The following SCN3A variants were observed in gnomAD, a reference collection of about 807,000 sequenced individuals.
SCN3A encodes sodium channel protein type 3 subunit alpha.
SCN3A carries 60 observed loss-of-function variants against 187.6 expected under a neutral mutation model. The observed-to-expected ratio is 0.32, with a 90% CI of 0.26 to 0.40. The LOEUF (loss-of-function observed/expected upper bound fraction) is 0.40. SCN3A is among the 10% of genes least tolerant of loss of function. SCN3A has a pLI of 1.00. For synonymous variants in SCN3A, 788 were observed against 829.2 expected (o/e 0.95, Z 0.85); for missense variants, 1,601 against 2,428.2 (o/e 0.66, Z 7.16).
chr2:165,098,901 T>A (rs894930188), intron 22 of SCN3A, among the ~76,000 whole-genome samples: 1 of 152,222 alleles, frequency 6.6e-6, no homozygotes, highest in Non-Finnish European at 1.5e-5. Context: ...ATAGGAAACA[T>A]GGAACCAAAT....
rs1303747564 is a variant in SCN3A at position 165,096,460 on chromosome 2, T to C, written c.4293+7A>G. Reference sequence around the variant, plus strand: ...GAACCTATAAATAATATTTGAGTGATACTTACATCTCGTGAATCAACAGCT... The same window carrying C: ...GAACCTATAAATAATATTTGAGTGACACTTACATCTCGTGAATCAACAGCT... On this transcript the variant is annotated splice_region_variant and intron_variant, in intron 24 of 27. Transcript: ENST00000283254. The C allele has an allele frequency of 5.0e-6, 8 of 1,606,100 alleles. No individual in the cohort carries two copies. In the South Asian group the frequency reaches 5.5e-5, roughly 11 times the overall value.
At chr2:165,100,512 T>G in intron 21 of SCN3A, 88 bp from the exon 22 acceptor site, 1 of 1,375,148 alleles carries the variant, frequency 7.3e-7, no homozygotes, top group South Asian at 1.2e-5. Context: ...TAATGCAGAC[T>G]AAATACTAAT....
Position 165,092,592 on chromosome 2 carries a change from T to C in SCN3A, c.4537-68A>G. On this transcript the variant is annotated intron_variant, in intron 26 of 27. Transcript: ENST00000283254. This position sits in a 1 kb window ranked among gnomAD's most constrained non-coding sequence, Gnocchi z 4.2. ...CATAAAGAATAATGCAGTAAAATTG[T>C]AGATAAAGCCCTTCCACATACGGGA... is the stretch of plus-strand genomic sequence containing the variant. The C allele has an allele frequency of 6.9e-6, 10 of 1,455,802 alleles. No individual in the cohort carries two copies. The South Asian group carries it at 8.1e-5, about 12-fold the overall frequency. The allele number at this position is 1,455,802 out of a possible 1,614,324, so 90.2% of individuals were successfully genotyped here.
Position 165,090,956 on chromosome 2 carries a change from G to A in SCN3A, c.5197C>T (p.Pro1733Ser). ...CAGTCTCCCTTAACTGAGCTGCCAG[G>A]GTGAATTGTGTCAGGGTCACAGTCG... Reference protein sequence around the residue: ...PPDCDPDTIHPGSSVKGDCGN... With the variant: ...PPDCDPDTIHSGSSVKGDCGN... Residue 1733 changes from proline (P) to serine (S), a missense_variant, in exon 28 of 28, where the codon CCT (proline) becomes TCT (serine). Physicochemically the swap from Pro to Ser is moderately conservative, Grantham distance 74. Transcript: ENST00000283254. The surrounding 1 kb of genome is among the most constrained non-coding windows in gnomAD (Gnocchi z 4.0). 6.2e-7 allele frequency: 1 copy of A among 1,614,090 alleles called. No individual in the cohort carries two copies. Among genetic ancestry groups the A allele is most frequent in the African/African-American group, 1.3e-5 (1 of 75,012 alleles).
intron 11 of SCN3A, among the ~76,000 whole-genome samples, chr2:165,151,166 C>A (rs1299028344): frequency 6.6e-6 from 1 of 152,122 alleles, no homozygotes; most frequent in Non-Finnish European, 1.5e-5. Flanking sequence ...AAAGCTATGC[C>A]TAGAGTTGAG....
Position 165,146,727 on chromosome 2 carries a change from A to G in SCN3A, c.1671+12T>C, listed in dbSNP as rs1477542733. 1.2e-6 allele frequency: 2 copies of G among 1,613,850 alleles called. No individual in the cohort carries two copies. Among genetic ancestry groups the G allele is most frequent in the African/African-American group, 1.3e-5 (1 of 74,934 alleles). ...TGACAAAGAAACCAGAGCACTTAGT[A>G]GAAAATCATACCTGATGAGGGGAGC... On this transcript the variant is annotated intron_variant, in intron 12 of 27. Coordinates refer to ENST00000283254, the MANE Select transcript of SCN3A (RefSeq NM_006922.4).
At chr2:165,110,850 A>G (rs555825443) in intron 21 of SCN3A, among the ~76,000 whole-genome samples, 10 of 152,312 alleles carry the variant, frequency 6.6e-5, no homozygotes, top group Non-Finnish European at 1.5e-4. Context: ...TTGAAACATT[A>G]CTCAATAGAT....
intron 12 of SCN3A, among the ~76,000 whole-genome samples, chr2:165,143,727 T>G (rs1167697501): frequency 6.6e-6 from 1 of 152,198 alleles, no homozygotes; most frequent in Non-Finnish European, 1.5e-5. Flanking sequence ...AGGTATCTTT[T>G]TCATCTTGTT....
intron 1 of SCN3A, among the ~76,000 whole-genome samples, chr2:165,197,661 T>G (rs1319574465): frequency 6.6e-6 from 1 of 151,846 alleles, no homozygotes; most frequent in Non-Finnish European, 1.5e-5. Context: ...ATTTTGCTTT[T>G]TTCTTTTTTA....
At chr2:165,176,881 G>A (rs527283907) in intron 2 of SCN3A, among the ~76,000 whole-genome samples, 5 of 152,112 alleles carry the variant, frequency 3.3e-5, no homozygotes, top group African/African-American at 1.2e-4. Flanking sequence ...CCTGCCCCCC[G>A]CCTTTTCATA....
At chr2:165,143,822 G>A (rs1226879215) in intron 12 of SCN3A, among the ~76,000 whole-genome samples, 1 of 152,162 alleles carries the variant, frequency 6.6e-6, no homozygotes, top group African/African-American at 2.4e-5. Context: ...ACACAGTCAT[G>A]CATGTAGGGT....
At chr2:165,143,970 ATTTC>A (rs914674761) in intron 12 of SCN3A, among the ~76,000 whole-genome samples, 6 of 150,900 alleles carry the variant, frequency 4.0e-5, no homozygotes, top group Non-Finnish European at 5.9e-5. Context: ...ACTTTTAAGT[ATTTC>A]TTTATTTTGT....
chr2:165,111,911 T>C (rs1686137097), intron 21 of SCN3A, among the ~76,000 whole-genome samples: 1 of 152,124 alleles, frequency 6.6e-6, no homozygotes, highest in African/African-American at 2.4e-5. Flanking sequence ...GTTAAACACA[T>C]TTTGGTTATA....
At position 165,140,711 on chromosome 2, in the gene SCN3A, C is replaced by T. The variant is rs1295827235; in HGVS notation, c.1959G>A (p.Val653=). 19 of 1,613,868 alleles carry T rather than the reference C, an allele frequency of 1.2e-5. No homozygotes were observed. Among genetic ancestry groups the T allele is most frequent in the Non-Finnish European group, 1.5e-5 (18 of 1,180,004 alleles). ...KMHSTVDCNG[V]VSLVGGPSAL... ...CTGAAGGTCCACCCACCAAGGAAAC[C>T]ACACCATTGCAATCCACAGTGCTGT... The change falls in exon 13 of 28, where the codon GTG becomes GTA. Residue 653 remains valine, a synonymous_variant. Transcript: ENST00000283254. The surrounding 1 kb of genome is among the most constrained non-coding windows in gnomAD (Gnocchi z 4.2).
intron 16 of SCN3A, 37 bp from the exon 17 acceptor site, chr2:165,130,333 A>T: frequency 1.9e-6 from 3 of 1,598,378 alleles, no homozygotes; most frequent in Non-Finnish European, 2.6e-6. Context: ...AGTAGTAATC[A>T]TAATATAATT....
intron 18 of SCN3A, among the ~76,000 whole-genome samples, chr2:165,115,894 G>A (rs1401902227): frequency 2.0e-5 from 3 of 152,108 alleles, no homozygotes; most frequent in Admixed American, 2.0e-4. Flanking sequence ...TTAATACATT[G>A]AGGCCAAACC....
intron 2 of SCN3A, among the ~76,000 whole-genome samples, chr2:165,177,266 C>T (rs79385848): frequency 0.023 from 3,577 of 152,224 alleles, 121 homozygotes; most frequent in African/African-American, 0.075. Flanking sequence ...AAAGCATGGA[C>T]TCAGGTGCTA....
chr2:165,174,074 C>T (rs6708582), intron 3 of SCN3A, among the ~76,000 whole-genome samples: 1,908 of 152,276 alleles, frequency 0.013, 41 homozygotes, highest in African/African-American at 0.044. Flanking sequence ...GACAGGACCT[C>T]GATCTGTCAC....
At chr2:165,181,897 AT>A (rs1690900702) in intron 2 of SCN3A, among the ~76,000 whole-genome samples, 1 of 152,094 alleles carries the variant, frequency 6.6e-6, no homozygotes, top group Non-Finnish European at 1.5e-5. Context: ...TATTTTTAGG[AT>A]TGTGCTTGAA....
Sources: gnomAD v4.1 joint callset for allele counts (sites outside exome capture counted in the v4.1 genomes callset) on GRCh38, gnomAD v4.1.1 for gene constraint, Gnocchi (gnomAD v3.1) non-coding constraint, MANE v1.5 for transcripts, NCBI Gene and HGNC (gene_info 2026-07-23, HGNC 2026-07-21) for gene names.